Variants in CCDC158 observed in about 807,000 individuals in gnomAD.
CCDC158 encodes coiled-coil domain containing 158, also known as coiled-coil domain-containing protein 158.
A neutral mutation model predicts 138.6 loss-of-function variants in CCDC158; 116 were observed. That is an observed-to-expected ratio of 0.84 (90% CI 0.72 to 0.98). The LOEUF is 0.98. Ranked by LOEUF, CCDC158 falls within the 50% of genes least tolerant of loss-of-function variation. CCDC158 has a pLI of 0.00. For missense variants in CCDC158, 1,265 were observed against 1,306.1 expected, an observed-to-expected ratio of 0.97 and a Z score of 0.48; for synonymous variants, 436 against 442.4, an observed-to-expected ratio of 0.99 and a Z score of 0.18.
chr4:76,397,471 C>T (rs1363229923), intron 3 of CCDC158, among the ~76,000 whole-genome samples: 1 of 152,032 alleles, frequency 6.6e-6, no homozygotes, highest in African/African-American at 2.4e-5. Context: ...CTAATAACCA[C>T]CTCACAGAGA....
At chr4:76,354,000 C>T (rs1419568532) in intron 15 of CCDC158, among the ~76,000 whole-genome samples, 1 of 151,948 alleles carries the variant, frequency 6.6e-6, no homozygotes, top group Non-Finnish European at 1.5e-5. Flanking sequence ...GGTGTTGCTA[C>T]TGTAAAATGC....
At chr4:76,395,385 G>A (rs1424774182) in intron 4 of CCDC158, among the ~76,000 whole-genome samples, 3 of 152,044 alleles carry the variant, frequency 2.0e-5, no homozygotes, top group African/African-American at 7.2e-5. Context: ...AATCTGATGA[G>A]GTAGAACAAT....
intron 18 of CCDC158, among the ~76,000 whole-genome samples, chr4:76,346,098 C>T (rs1722518391): frequency 6.6e-6 from 1 of 152,184 alleles, no homozygotes; most frequent in South Asian, 2.1e-4. Flanking sequence ...CATCTACAAC[C>T]ATCTGATCTT....
chr4:76,373,985 C>T (rs924129667), intron 9 of CCDC158, among the ~76,000 whole-genome samples: 2 of 151,980 alleles, frequency 1.3e-5, no homozygotes, highest in Non-Finnish European at 2.9e-5. Flanking sequence ...GAGACCCCAT[C>T]TCTACAAAAA....
At chr4:76,373,708 T>G (rs1305613289) in intron 9 of CCDC158, among the ~76,000 whole-genome samples, 1 of 152,198 alleles carries the variant, frequency 6.6e-6, no homozygotes, top group African/African-American at 2.4e-5. Flanking sequence ...AGTACTAATA[T>G]AGGACTATCA....
chr4:76,415,906 G>A (rs952209616), intron 1 of CCDC158, among the ~76,000 whole-genome samples: 1 of 152,166 alleles, frequency 6.6e-6, no homozygotes, highest in African/African-American at 2.4e-5. Flanking sequence ...TTCCCCGGGG[G>A]AGTTTAGAGA....
At chr4:76,345,232 A>G (rs1355490464) in intron 18 of CCDC158, 5 of 935,896 alleles carry the variant, frequency 5.3e-6, no homozygotes, top group Non-Finnish European at 8.9e-6. Context: ...GTTTCATCAG[A>G]TGAAGATCTG....
chr4:76,394,865 A>G (rs1306484080), intron 4 of CCDC158, among the ~76,000 whole-genome samples: 1 of 152,154 alleles, frequency 6.6e-6, no homozygotes. Flanking sequence ...AAAGAGTTAT[A>G]CAAGATACCT....
intron 2 of CCDC158, among the ~76,000 whole-genome samples, chr4:76,409,120 T>G (rs1729084553): frequency 6.6e-6 from 1 of 152,202 alleles, no homozygotes; most frequent in Non-Finnish European, 1.5e-5. Flanking sequence ...TGTGTGTGTA[T>G]TTTAGAGTAA....
intron 24 of CCDC158, among the ~76,000 whole-genome samples, chr4:76,321,561 T>G (rs1912832): frequency 1 from 147,738 of 147,818 alleles, 73,829 homozygotes; most frequent in Middle Eastern, 1. Flanking sequence ...TCTATATATA[T>G]AGAGAGACTA....
intron 24 of CCDC158, among the ~76,000 whole-genome samples, chr4:76,321,386 A>T (rs1462152563): frequency 6.6e-6 from 1 of 152,074 alleles, no homozygotes; most frequent in Non-Finnish European, 1.5e-5. Context: ...AAGTAGAACT[A>T]CCATTTGATG....
Position 76,357,674 on chromosome 4 carries a change from A to T in CCDC158, c.2021-148T>A, listed in dbSNP as rs150175820. On this transcript the variant is annotated intron_variant, in intron 13 of 24. Transcript: ENST00000682701. ...CATCTTCCTTTGTTACAGAAATGAG[A>T]TGTACATACACAATTCCAGGGATAT... 986 of 567,560 alleles carry T rather than the reference A, an allele frequency of 1.7e-3. 10 individuals carry two copies. The highest frequency in any genetic ancestry group is 0.016 in the African/African-American group (848 of 51,600). The allele number at this position is 567,560 out of a possible 1,614,324, so 35.2% of individuals were successfully genotyped here.
intron 1 of CCDC158, among the ~76,000 whole-genome samples, chr4:76,412,335 AG>A (rs756513681): frequency 1.2e-4 from 19 of 152,192 alleles, no homozygotes; most frequent in Non-Finnish European, 2.5e-4. Context: ...AGAGCAGGCC[AG>A]GCATGGTGGC....
rs762479607 is a variant in CCDC158, at chr4:76,320,259, A to G, written c.3277+3043T>C. Among the ~76,000 whole-genome samples, 3 of 152,182 alleles carry G rather than the reference A, an allele frequency of 2.0e-5. No individual in the cohort carries two copies. The South Asian group carries it at 6.2e-4, about 32-fold the overall frequency. On this transcript the variant is annotated intron_variant, in intron 24 of 24. Transcript: ENST00000682701. ...AAGGAGATGAACAATCGCTACAGGA[A>G]AAACTACAAATGCTGCTGAAGGAAA...
At chr4:76,396,834 A>G (rs1164115688) in intron 3 of CCDC158, among the ~76,000 whole-genome samples, 1 of 152,144 alleles carries the variant, frequency 6.6e-6, no homozygotes, top group Non-Finnish European at 1.5e-5. Context: ...CGCCTGGCCC[A>G]TTAATTAACT....
rs941418103 is a variant in CCDC158 at position 76,362,462 on chromosome 4, T to C, written c.1831-147A>G. ...CTGCCTCCTATCTGTATTCCATCTA[T>C]ATTTATTATCTTTTCATTACTTCCC... On this transcript the variant is annotated intron_variant, in intron 12 of 24. Transcript: ENST00000682701. 13 of 530,566 alleles carry C rather than the reference T, an allele frequency of 2.5e-5. No individual in the cohort carries two copies. In the African/African-American group the frequency reaches 2.5e-4, roughly 10 times the overall value. 32.9% of individuals were successfully genotyped at this position (530,566 alleles called of 1,614,324 possible).
chr4:76,319,397 C>T (rs150567480), intron 24 of CCDC158, among the ~76,000 whole-genome samples: 27,148 of 126,416 alleles, frequency 0.21, 3,112 homozygotes, highest in Middle Eastern at 0.33. Flanking sequence ...CATGCCACTG[C>T]GCTCCAGCCT....
At chr4:76,412,803 C>G (rs1042638346) in intron 1 of CCDC158, among the ~76,000 whole-genome samples, 2 of 152,136 alleles carry the variant, frequency 1.3e-5, no homozygotes, top group African/African-American at 4.8e-5. Flanking sequence ...GTTTTTACAA[C>G]AAAATGTGTT....
chr4:76,411,489 A>G (rs568411306), intron 2 of CCDC158, among the ~76,000 whole-genome samples: 1 of 152,328 alleles, frequency 6.6e-6, no homozygotes, highest in African/African-American at 2.4e-5. Context: ...ATTTTCCCAT[A>G]ATAAAGAGCA....
Sources: gnomAD v4.1 joint callset for allele counts (sites outside exome capture counted in the v4.1 genomes callset) on GRCh38, gnomAD v4.1.1 for gene constraint, MANE v1.5 for transcripts, NCBI Gene and HGNC (gene_info 2026-07-23, HGNC 2026-07-21) for gene names.